PLCXD3: variants seen among roughly 807,000 people sequenced by gnomAD.
The protein encoded by PLCXD3 is PI-PLC X domain-containing protein 3.
PLCXD3 carries 19 observed loss-of-function variants against 25.5 expected under a neutral mutation model. The observed-to-expected ratio is 0.75, with a 90% CI of 0.52 to 1.09. The LOEUF (loss-of-function observed/expected upper bound fraction) is 1.09. Among genes scored for constraint, PLCXD3 ranks in the 50% least tolerant of loss-of-function variants. The pLI is 0.00. For missense variants in PLCXD3, 411 were observed against 388.1 expected (o/e 1.06, Z -0.50); for synonymous variants, 174 against 137.6 (o/e 1.26, Z -1.85).
At chr5:41,321,050 G>A (rs532310160) in intron 2 of PLCXD3, among the ~76,000 whole-genome samples, 1 of 152,312 alleles carries the variant, frequency 6.6e-6, no homozygotes, top group Non-Finnish European at 1.5e-5. Context: ...TGACAAGGAT[G>A]CCCAGTGTCA....
intron 2 of PLCXD3, among the ~76,000 whole-genome samples, chr5:41,324,443 G>A (rs1743563018): frequency 1.3e-5 from 2 of 152,174 alleles, no homozygotes; most frequent in Non-Finnish European, 2.9e-5. Flanking sequence ...GTCAGACCCA[G>A]ATAGAGGAGG....
intron 1 of PLCXD3, among the ~76,000 whole-genome samples, chr5:41,407,181 A>G (rs1032074465): frequency 1.3e-5 from 2 of 152,174 alleles, no homozygotes; most frequent in African/African-American, 4.8e-5. Flanking sequence ...ATGTGGGACT[A>G]TTGACTTCAG....
At chr5:41,423,221 A>G (rs887201968) in intron 1 of PLCXD3, among the ~76,000 whole-genome samples, 1 of 152,074 alleles carries the variant, frequency 6.6e-6, no homozygotes, top group Non-Finnish European at 1.5e-5. Flanking sequence ...TATATGAAAA[A>G]TGGGTTATAT....
At chr5:41,476,577 G>A (rs1168298166) in intron 1 of PLCXD3, among the ~76,000 whole-genome samples, 2 of 152,160 alleles carry the variant, frequency 1.3e-5, no homozygotes, top group Non-Finnish European at 2.9e-5. Context: ...CATGTTCTAT[G>A]TGACTCCACT....
At chr5:41,506,342 T>C (rs542540567) in intron 1 of PLCXD3, among the ~76,000 whole-genome samples, 2 of 152,362 alleles carry the variant, frequency 1.3e-5, no homozygotes, top group Admixed American at 6.5e-5. Flanking sequence ...TCAGATACTG[T>C]TCAATTTTTC....
At chr5:41,477,898 C>T (rs1237253799) in intron 1 of PLCXD3, among the ~76,000 whole-genome samples, 1 of 152,018 alleles carries the variant, frequency 6.6e-6, no homozygotes, top group African/African-American at 2.4e-5. Context: ...TCAGAATGGC[C>T]CAATAAAAAT....
At chr5:41,485,773 G>C (rs550598417) in intron 1 of PLCXD3, among the ~76,000 whole-genome samples, 1 of 152,254 alleles carries the variant, frequency 6.6e-6, no homozygotes, top group African/African-American at 2.4e-5. Context: ...TCACACTACT[G>C]ACTTACAGTC....
At chr5:41,366,817 T>C (rs930774576) in intron 2 of PLCXD3, among the ~76,000 whole-genome samples, 1 of 152,136 alleles carries the variant, frequency 6.6e-6, no homozygotes, top group African/African-American at 2.4e-5. Flanking sequence ...CGTGCCCCAG[T>C]GTGTGTCATT....
At chr5:41,317,786 C>T (rs1443156287) in intron 2 of PLCXD3, among the ~76,000 whole-genome samples, 1 of 151,368 alleles carries the variant, frequency 6.6e-6, no homozygotes, top group African/African-American at 2.4e-5. Flanking sequence ...GAAACAGTGA[C>T]CTTGAAGACA....
intron 2 of PLCXD3, among the ~76,000 whole-genome samples, chr5:41,362,171 GACAA>G (rs1199054643): frequency 6.6e-6 from 1 of 152,210 alleles, no homozygotes; most frequent in African/African-American, 2.4e-5. Context: ...TTTGGAAGTA[GACAA>G]ACATTTTCTT....
At chr5:41,327,370 C>A (rs925605704) in intron 2 of PLCXD3, among the ~76,000 whole-genome samples, 5 of 151,782 alleles carry the variant, frequency 3.3e-5, no homozygotes, top group African/African-American at 1.2e-4. Context: ...AAAGGTTTGT[C>A]CAATTAAAGA....
At position 41,397,236 on chromosome 5, in the gene PLCXD3, C is replaced by G. The variant is rs529883516; in HGVS notation, c.104-14702G>C. Among the ~76,000 whole-genome samples, 107 of 152,196 alleles carry G rather than the reference C, an allele frequency of 7.0e-4. 1 individual carries two copies. Among genetic ancestry groups the G allele is most frequent in the South Asian group, 5.0e-3 (24 of 4,812 alleles). ...GTGAGGGAAGCATGGTTTCCTGGGC[C>G]AGGCACAGGGCCTTGCTGCTCTGTG... On this transcript the variant is annotated intron_variant, in intron 1 of 2. Transcript: ENST00000377801.
intron 1 of PLCXD3, among the ~76,000 whole-genome samples, chr5:41,496,306 G>A (rs56297657): frequency 1.1e-3 from 167 of 152,050 alleles, no homozygotes; most frequent in Non-Finnish European, 4.3e-4. Flanking sequence ...CTTATTTAAA[G>A]GAATAATGGC....
At chr5:41,387,115 G>A (rs1745661258) in intron 1 of PLCXD3, among the ~76,000 whole-genome samples, 2 of 151,944 alleles carry the variant, frequency 1.3e-5, no homozygotes, top group Non-Finnish European at 2.9e-5. Context: ...TAGTTTGCAG[G>A]CCACCAATCA....
At chr5:41,493,506 C>A (rs910842651) in intron 1 of PLCXD3, among the ~76,000 whole-genome samples, 1 of 152,370 alleles carries the variant, frequency 6.6e-6, no homozygotes, top group East Asian at 1.9e-4. Flanking sequence ...TTACTGCTGT[C>A]TTTTTGTTTG....
chr5:41,458,170 G>C (rs1281351337), intron 1 of PLCXD3, among the ~76,000 whole-genome samples: 3 of 151,874 alleles, frequency 2.0e-5, no homozygotes, highest in Non-Finnish European at 2.9e-5. Flanking sequence ...AAATGAGCTA[G>C]ATGGAAGAGG....
At chr5:41,396,311 C>G (rs1286741958) in intron 1 of PLCXD3, among the ~76,000 whole-genome samples, 1 of 152,078 alleles carries the variant, frequency 6.6e-6, no homozygotes, top group Non-Finnish European at 1.5e-5. Context: ...GTGTGTAGCA[C>G]TTCCCCCTTC....
chr5:41,508,512 A>G (rs2111601722), intron 1 of PLCXD3, among the ~76,000 whole-genome samples: 1 of 152,336 alleles, frequency 6.6e-6, no homozygotes, highest in East Asian at 1.9e-4. Flanking sequence ...CATGGAGGTA[A>G]TAGTGCCAGC....
intron 2 of PLCXD3, among the ~76,000 whole-genome samples, chr5:41,379,520 C>A (rs919102747): frequency 2.6e-5 from 4 of 151,446 alleles, no homozygotes; most frequent in Admixed American, 1.3e-4. Flanking sequence ...GTCTCAAAGG[C>A]AATTGAAGGG....
Sources: allele counts gnomAD v4.1 joint callset (sites outside exome capture counted in the v4.1 genomes callset), GRCh38; gene constraint gnomAD v4.1.1; transcripts MANE v1.5; gene names NCBI Gene and HGNC (gene_info 2026-07-23, HGNC 2026-07-21).